TINAG: variants seen among roughly 807,000 people sequenced by gnomAD.
TINAG encodes the protein tubulointerstitial nephritis antigen.
TINAG carries 83 observed loss-of-function variants against 72.7 expected under a neutral mutation model. The observed-to-expected ratio is 1.14, with a 90% CI of 0.96 to 1.37. TINAG has a LOEUF of 1.37. Among genes scored for constraint, TINAG ranks in the 40% most tolerant of loss-of-function variants. The pLI is 0.00. For synonymous variants in TINAG, 234 were observed against 189.9 expected, an observed-to-expected ratio of 1.23 and a Z score of -1.91; for missense variants, 685 against 576.6, an observed-to-expected ratio of 1.19 and a Z score of -1.93.
intron 7 of TINAG, among the ~76,000 whole-genome samples, chr6:54,350,202 A>C (rs960463646): frequency 7.5e-6 from 1 of 132,898 alleles, no homozygotes; most frequent in Non-Finnish European, 1.8e-5. Flanking sequence ...AGTTAAGTTA[A>C]ACACTTTTTC....
At chr6:54,323,586 T>C (rs774251987) in intron 3 of TINAG, among the ~76,000 whole-genome samples, 11 of 152,362 alleles carry the variant, frequency 7.2e-5, no homozygotes, top group Non-Finnish European at 1.6e-4. Context: ...ATTTATTCTC[T>C]GTATTATTTT....
At chr6:54,316,114 G>A (rs777697491) in intron 1 of TINAG, among the ~76,000 whole-genome samples, 8 of 152,152 alleles carry the variant, frequency 5.3e-5, no homozygotes, top group Non-Finnish European at 1.2e-4. Context: ...GGAGGCACAT[G>A]TGATAATATT....
intron 1 of TINAG, among the ~76,000 whole-genome samples, chr6:54,316,337 A>G (rs1268246622): frequency 2.0e-5 from 3 of 152,160 alleles, no homozygotes; most frequent in Admixed American, 2.0e-4. Context: ...CTCATAAGTA[A>G]AAAAATTATA....
intron 3 of TINAG, among the ~76,000 whole-genome samples, chr6:54,321,731 C>G (rs1303946723): frequency 1.3e-5 from 2 of 152,090 alleles, no homozygotes; most frequent in African/African-American, 2.4e-5. Context: ...CCCTCTGCTG[C>G]TGCCCTCACC....
At chr6:54,389,759 C>G (rs1455513300) in intron 10 of TINAG, 32 bp from the exon 11 acceptor site, 1 of 1,558,388 alleles carries the variant, frequency 6.4e-7, no homozygotes, top group Non-Finnish European at 8.6e-7. Context: ...AAGTATGTTT[C>G]TCAACTTTTT....
intron 10 of TINAG, 70 bp downstream of exon 10, chr6:54,380,641 C>A (rs879531311): frequency 1.6e-6 from 2 of 1,281,772 alleles, no homozygotes; most frequent in Non-Finnish European, 2.2e-6. Context: ...TCCTCTGCTA[C>A]CTGCTTTGTA....
At chr6:54,333,726 GTT>G (rs776722516) in intron 4 of TINAG, among the ~76,000 whole-genome samples, 19 of 152,006 alleles carry the variant, frequency 1.2e-4, no homozygotes, top group Non-Finnish European at 2.2e-4. Context: ...CGGATTACTG[GTT>G]ATTCAGTGTG....
chr6:54,376,696 AT>A (rs1240567115), intron 9 of TINAG, among the ~76,000 whole-genome samples: 2 of 152,188 alleles, frequency 1.3e-5, no homozygotes, highest in South Asian at 2.1e-4. Flanking sequence ...GCATGGAAAT[AT>A]TAATAACCTT....
chr6:54,347,542 T>C, intron 6 of TINAG, 25 bp downstream of exon 6: 1 of 1,608,438 alleles, frequency 6.2e-7, no homozygotes, highest in South Asian at 1.1e-5. Context: ...AACATGTGTT[T>C]CTAGGATTTT....
At chr6:54,319,783 GT>G (rs1358904232) in intron 1 of TINAG, among the ~76,000 whole-genome samples, 1 of 151,996 alleles carries the variant, frequency 6.6e-6, no homozygotes, top group African/African-American at 2.4e-5. Flanking sequence ...CCAATTACAT[GT>G]TTCTATCAAA....
rs1436879158 is a variant in TINAG, at chr6:54,388,712, G to T, written c.1297-1079G>T. On this transcript the variant is annotated intron_variant, in intron 10 of 10. Transcript: ENST00000259782. ...CTCCATGTACTCCATTGATACTTTT[G>T]CTCCATCACACACTTATTCGTTCAA... Among the ~76,000 whole-genome samples, 5 of 151,524 alleles carry T rather than the reference G, an allele frequency of 3.3e-5. No individual in the cohort carries two copies. The East Asian group carries it at 9.7e-4, about 29-fold the overall frequency.
intron 1 of TINAG, 26 bp downstream of exon 1, chr6:54,308,931 A>T (rs190210705): frequency 1.9e-6 from 3 of 1,544,884 alleles, no homozygotes; most frequent in Non-Finnish European, 2.6e-6. Flanking sequence ...GTGTTTCAAC[A>T]TCATCCTCGT....
rs1227485357 is a variant in TINAG, at chr6:54,319,989, G to T, written c.356-590G>T. Among the ~76,000 whole-genome samples the T allele has an allele frequency of 1.6e-4, 23 of 146,222 alleles. No homozygotes were observed. The East Asian group carries it at 4.6e-3, about 29-fold the overall frequency. ...GTAGTTCATATAATCTCATAAAGCA[G>T]TTAATAACTAGTTTCAGTTAACAGT... On this transcript the variant is annotated intron_variant, in intron 1 of 10. Coordinates refer to ENST00000259782, the MANE Select transcript of TINAG (RefSeq NM_014464.4).
intron 1 of TINAG, among the ~76,000 whole-genome samples, chr6:54,312,457 C>T (rs1386783145): frequency 6.6e-6 from 1 of 151,916 alleles, no homozygotes; most frequent in East Asian, 1.9e-4. Context: ...CTGTCTACAC[C>T]AGAACTCCAA....
At chr6:54,370,060 A>T (rs1437790514) in intron 9 of TINAG, 1 of 152,082 alleles carries the variant, frequency 6.6e-6, no homozygotes, top group East Asian at 1.9e-4. Flanking sequence ...AATGGCCTGT[A>T]GTGTGGAATG....
chr6:54,308,302 A>G (rs925058047), upstream of TINAG, among the ~76,000 whole-genome samples: 1 of 152,202 alleles, frequency 6.6e-6, no homozygotes, highest in Non-Finnish European at 1.5e-5. Flanking sequence ...TCTACACTAT[A>G]TGAAATATAA....
At chr6:54,361,484 A>T (rs1763236341) in intron 9 of TINAG, among the ~76,000 whole-genome samples, 1 of 151,686 alleles carries the variant, frequency 6.6e-6, no homozygotes, top group African/African-American at 2.4e-5. Context: ...CACTTTTTAA[A>T]CAACCAGATC....
At chr6:54,308,401 A>C (rs1266208534), upstream of TINAG, 3 of 664,990 alleles carry the variant, frequency 4.5e-6, no homozygotes, top group South Asian at 6.1e-5. Context: ...ATGTTTAACT[A>C]TGAGAAGTAT....
chr6:54,354,399 T>A, intron 8 of TINAG, 114 bp from the exon 9 acceptor site: 1 of 949,178 alleles, frequency 1.1e-6, no homozygotes, highest in Non-Finnish European at 1.6e-6. Context: ...CACAGCCCCT[T>A]CTTAGATTCA....
Sources: allele counts gnomAD v4.1 joint callset (sites outside exome capture counted in the v4.1 genomes callset), GRCh38; gene constraint gnomAD v4.1.1; transcripts MANE v1.5; gene names NCBI Gene and HGNC (gene_info 2026-07-23, HGNC 2026-07-21).